The following COPG2 variants were observed in gnomAD, a reference collection of about 807,000 sequenced individuals.
COPG2 encodes coat protein complex I subunit gamma 2.
In COPG2, 37 loss-of-function variants were observed where a neutral mutation model predicts 46.3. That is an observed-to-expected ratio of 0.80 (90% CI 0.61 to 1.05). COPG2 has a LOEUF of 1.05. Ranked by LOEUF, COPG2 falls within the 50% of genes least tolerant of loss-of-function variation. The probability of loss-of-function intolerance (pLI) is 0.00; values close to 1 mark genes in which losing one functional copy is unlikely to be tolerated. For synonymous variants in COPG2, 159 were observed against 129.7 expected, an observed-to-expected ratio of 1.23 and a Z score of -1.53; for missense variants, 427 against 387.8, an observed-to-expected ratio of 1.10 and a Z score of -0.85.
intron 9 of COPG2, among the ~76,000 whole-genome samples, chr7:130,585,306 A>G (rs1203576089): frequency 6.6e-6 from 1 of 152,124 alleles, no homozygotes; most frequent in Non-Finnish European, 1.5e-5. Flanking sequence ...TACCTTATAC[A>G]AAAATCAACT....
intron 9 of COPG2, among the ~76,000 whole-genome samples, chr7:130,592,186 A>G (rs1257882214): frequency 2.0e-5 from 3 of 152,110 alleles, no homozygotes; most frequent in Non-Finnish European, 4.4e-5. Context: ...GCTTTGTTAA[A>G]CAGATGCTTG....
At chr7:130,617,850 C>T (rs1419008416) in intron 5 of COPG2, among the ~76,000 whole-genome samples, 2 of 152,016 alleles carry the variant, frequency 1.3e-5, no homozygotes, top group African/African-American at 4.8e-5. Context: ...TCTGTAATCC[C>T]AGCACTTTGG....
At chr7:130,647,613 A>G (rs1352020045) in intron 5 of COPG2, among the ~76,000 whole-genome samples, 3 of 151,876 alleles carry the variant, frequency 2.0e-5, no homozygotes, top group African/African-American at 7.3e-5. Context: ...TCCTATCTAC[A>G]GTGTATGGGA....
chr7:130,668,499 G>T, intron 1 of COPG2, 133 bp downstream of exon 1: 1 of 686,124 alleles, frequency 1.5e-6, no homozygotes, highest in Non-Finnish European at 2.1e-6. Context: ...GAGGGGAGGG[G>T]CCGGCTCCAG....
intron 20 of COPG2, among the ~76,000 whole-genome samples, chr7:130,522,467 G>A (rs1221532567): frequency 6.6e-6 from 1 of 152,118 alleles, no homozygotes; most frequent in African/African-American, 2.4e-5. Flanking sequence ...TTGTACGGGT[G>A]TGGAAGCTAT....
At chr7:130,507,236 C>T (rs1554440280) in intron 23 of COPG2, 38 bp downstream of exon 23, 1 of 779,536 alleles carries the variant, frequency 1.3e-6, no homozygotes, top group African/African-American at 1.7e-5. Flanking sequence ...TTAAGCTTTG[C>T]AAGAAAATGG....
chr7:130,588,038 T>C (rs553158635), intron 9 of COPG2, among the ~76,000 whole-genome samples: 7 of 151,614 alleles, frequency 4.6e-5, no homozygotes, highest in African/African-American at 1.7e-4. Context: ...AAAAAACACA[T>C]GAAAAAATGC....
intron 20 of COPG2, among the ~76,000 whole-genome samples, chr7:130,519,807 C>G (rs921792057): frequency 3.8e-4 from 58 of 152,182 alleles, no homozygotes; most frequent in South Asian, 2.7e-3. Flanking sequence ...AACAATAAGA[C>G]AGATCAAGTA....
intron 21 of COPG2, 126 bp from the exon 22 acceptor site, chr7:130,507,949 T>C (rs1043797043): frequency 1.5e-6 from 1 of 655,962 alleles, no homozygotes; most frequent in Non-Finnish European, 2.7e-6. Context: ...TTAAGTTCTG[T>C]AGTCTGGATA....
chr7:130,631,169 TTTC>T (rs1795221483), intron 5 of COPG2, among the ~76,000 whole-genome samples: 1 of 115,300 alleles, frequency 8.7e-6, no homozygotes, highest in Non-Finnish European at 1.7e-5. Flanking sequence ...TTCTTTTTCT[TTTC>T]TTTTTTTTTT....
At chr7:130,665,938 TC>T (rs1796070491) in intron 3 of COPG2, among the ~76,000 whole-genome samples, 1 of 152,044 alleles carries the variant, frequency 6.6e-6, no homozygotes, top group African/African-American at 2.4e-5. Flanking sequence ...GTCTGCTATA[TC>T]CCCAACACCT....
intron 20 of COPG2, among the ~76,000 whole-genome samples, chr7:130,539,308 A>T (rs1799913908): frequency 6.6e-6 from 1 of 152,102 alleles, no homozygotes; most frequent in Non-Finnish European, 1.5e-5. Flanking sequence ...GACTGGCTGT[A>T]GAGTTTTGTA....
chr7:130,508,646 A>G lies in COPG2; in HGVS notation c.2163T>C (p.Phe721=), dbSNP rs1554440569. ...GGACTGTAAACTTCATGGTGCAGCTAAAGGAGCCTGCAACTGGAGGAGAAG... is the reference window on the plus strand; with the variant it reads ...GGACTGTAAACTTCATGGTGCAGCTGAAGGAGCCTGCAACTGGAGGAGAAG... ...DDDPTAVAGS[F]SCTMKFTVRD... The change falls in exon 21 of 24, where the codon TTT becomes TTC. Residue 721 remains phenylalanine, a synonymous_variant. Transcript: ENST00000425248. 1 of 768,150 alleles carries G rather than the reference A, an allele frequency of 1.3e-6. No homozygotes were observed. Among genetic ancestry groups the G allele is most frequent in the South Asian group, 1.4e-5 (1 of 71,570 alleles). The allele number at this position is 768,150 out of a possible 1,614,324, so 47.6% of individuals were successfully genotyped here.
chr7:130,526,033 C>T (rs1313617720), intron 20 of COPG2, among the ~76,000 whole-genome samples: 4 of 151,492 alleles, frequency 2.6e-5, no homozygotes, highest in African/African-American at 7.3e-5. Flanking sequence ...TGGGGCCGCA[C>T]CTGAGGTAAA....
chr7:130,587,105 G>C (rs1341685448), intron 9 of COPG2, among the ~76,000 whole-genome samples: 2 of 151,840 alleles, frequency 1.3e-5, no homozygotes, highest in Non-Finnish European at 2.9e-5. Flanking sequence ...TCAGGAGTTT[G>C]AGAACAGCCT....
intron 9 of COPG2, chr7:130,610,020 G>T: frequency 2.0e-6 from 1 of 509,932 alleles, no homozygotes; most frequent in Non-Finnish European, 3.9e-6. Flanking sequence ...AATTTCTAAA[G>T]TCACTGCCTC....
chr7:130,633,052 T>C (rs1417167653), intron 5 of COPG2, among the ~76,000 whole-genome samples: 4 of 152,240 alleles, frequency 2.6e-5, no homozygotes, highest in Admixed American at 2.0e-4. Context: ...GCTTTATCCA[T>C]GTCCCTGCAA....
intron 6 of COPG2, among the ~76,000 whole-genome samples, chr7:130,616,429 CA>C (rs36021198): frequency 0.035 from 5,130 of 145,846 alleles, 143 homozygotes; most frequent in Middle Eastern, 0.067. Flanking sequence ...CAAACTGCTA[CA>C]AAAAAAAAAA....
intron 9 of COPG2, among the ~76,000 whole-genome samples, chr7:130,571,892 C>T (rs1162962607): frequency 3.3e-5 from 5 of 152,006 alleles, no homozygotes; most frequent in Non-Finnish European, 5.9e-5. Flanking sequence ...CATATATACA[C>T]CATGGAATAC....
Sources: gnomAD v4.1 joint callset for allele counts (sites outside exome capture counted in the v4.1 genomes callset) on GRCh38, gnomAD v4.1.1 for gene constraint, MANE v1.5 for transcripts, NCBI Gene and HGNC (gene_info 2026-07-23, HGNC 2026-07-21) for gene names.